Variants in DAB1 observed in about 807,000 individuals in gnomAD.
DAB1 encodes DAB adaptor protein 1, also known as disabled homolog 1.
A neutral mutation model predicts 64.6 loss-of-function variants in DAB1; 15 were observed. That is an observed-to-expected ratio of 0.23 (90% CI 0.16 to 0.36). The LOEUF (loss-of-function observed/expected upper bound fraction) is 0.36. DAB1 is among the 10% of genes least tolerant of loss of function. The pLI, the probability that DAB1 is intolerant of heterozygous loss-of-function variation, is 1.00. For missense variants in DAB1, 596 were observed against 706.7 expected (o/e 0.84, Z 1.78); for synonymous variants, 235 against 251.9 (o/e 0.93, Z 0.64).
chr1:57,171,818 T>C (rs1248737302), intron 2 of DAB1, among the ~76,000 whole-genome samples: 1 of 152,198 alleles, frequency 6.6e-6, no homozygotes, highest in African/African-American at 2.4e-5. Flanking sequence ...AGGAGTTATG[T>C]GGTGGGAGAA....
At chr1:57,587,959 C>T (rs1645400092) in intron 7 of DAB1, among the ~76,000 whole-genome samples, 1 of 152,180 alleles carries the variant, frequency 6.6e-6, no homozygotes, top group South Asian at 2.1e-4. Flanking sequence ...AGGACAATAG[C>T]CATTTCCTTA....
intron 7 of DAB1, among the ~76,000 whole-genome samples, chr1:57,580,786 T>C (rs1645303990): frequency 6.6e-6 from 1 of 152,168 alleles, no homozygotes. Flanking sequence ...CTCATCCTCA[T>C]AATAATCTTA....
intron 5 of DAB1, among the ~76,000 whole-genome samples, chr1:57,912,880 T>G (rs955240676): frequency 4.6e-5 from 7 of 152,114 alleles, no homozygotes; most frequent in African/African-American, 1.7e-4. Context: ...GGAATCCAAC[T>G]TACAAGGGAT....
chr1:58,327,647 C>T (rs1557732362), intron 4 of DAB1, among the ~76,000 whole-genome samples: 1 of 152,120 alleles, frequency 6.6e-6, no homozygotes, highest in Non-Finnish European at 1.5e-5. Flanking sequence ...AGAGGCTTCT[C>T]AGGGAAGTGA....
chr1:58,326,088 A>G (rs1662816791), intron 4 of DAB1, among the ~76,000 whole-genome samples: 1 of 152,174 alleles, frequency 6.6e-6, no homozygotes, highest in Non-Finnish European at 1.5e-5. Context: ...CAGCTTCGTA[A>G]TTACGTGCTT....
intron 1 of DAB1, among the ~76,000 whole-genome samples, chr1:57,841,492 C>T (rs528187991): frequency 2.0e-5 from 3 of 152,314 alleles, no homozygotes; most frequent in Non-Finnish European, 4.4e-5. Context: ...ATGAGGGCTC[C>T]ACCCCTGCAG....
At chr1:57,768,544 A>T (rs1649421448) in intron 6 of DAB1, among the ~76,000 whole-genome samples, 1 of 150,228 alleles carries the variant, frequency 6.7e-6, no homozygotes, top group Non-Finnish European at 1.5e-5. Flanking sequence ...GTATACATGT[A>T]TATGTATAAA....
At chr1:58,541,525 A>C (rs1646615161) in intron 1 of DAB1, 1 of 145,364 alleles carries the variant, frequency 6.9e-6, no homozygotes, top group East Asian at 2.2e-4. Flanking sequence ...CTGAGGCAGG[A>C]GAATCACTTG....
At chr1:57,144,734 G>T (rs1039104339) in intron 3 of DAB1, among the ~76,000 whole-genome samples, 7 of 150,706 alleles carry the variant, frequency 4.6e-5, no homozygotes, top group Non-Finnish European at 1.5e-5. Context: ...TTCTTTCTTA[G>T]ATTCCTCAGA....
chr1:58,067,185 C>T (rs1648906413), intron 5 of DAB1, among the ~76,000 whole-genome samples: 1 of 152,220 alleles, frequency 6.6e-6, no homozygotes, highest in South Asian at 2.1e-4. Flanking sequence ...ACTAAAATCA[C>T]AAATTAAATC....
intron 6 of DAB1, among the ~76,000 whole-genome samples, chr1:57,788,115 A>G (rs1650424193): frequency 6.6e-6 from 1 of 152,196 alleles, no homozygotes; most frequent in African/African-American, 2.4e-5. Context: ...GTTTCTTATC[A>G]AACTAAATAT....
At chr1:58,105,767 C>T (rs1651595753) in intron 5 of DAB1, among the ~76,000 whole-genome samples, 3 of 152,202 alleles carry the variant, frequency 2.0e-5, no homozygotes, top group Admixed American at 2.0e-4. Context: ...CTTCAAGAAA[C>T]TATCCATGCA....
At chr1:58,014,265 T>C (rs1646709080) in intron 5 of DAB1, among the ~76,000 whole-genome samples, 1 of 152,212 alleles carries the variant, frequency 6.6e-6, no homozygotes, top group Non-Finnish European at 1.5e-5. Flanking sequence ...GTTTCAAAAT[T>C]GGATTCTTGA....
At chr1:58,225,400 G>C in intron 4 of DAB1, among the ~76,000 whole-genome samples, 1 of 151,988 alleles carries the variant, frequency 6.6e-6, no homozygotes, top group East Asian at 1.9e-4. Context: ...GGAAGTCAGT[G>C]TGGCGATTCC....
At chr1:58,500,198 A>G (rs2100402897) in intron 3 of DAB1, among the ~76,000 whole-genome samples, 1 of 152,164 alleles carries the variant, frequency 6.6e-6, no homozygotes, top group African/African-American at 2.4e-5. Flanking sequence ...TATTTTTTTT[A>G]AGGGTTTAGA....
Position 57,663,196 on chromosome 1 carries a change from A to G in DAB1, n.552-13531T>C, listed in dbSNP as rs183208095. Among the ~76,000 whole-genome samples, 700 of 152,254 alleles carry G rather than the reference A, an allele frequency of 4.6e-3. 4 individuals are homozygous for G. Among genetic ancestry groups the G allele is most frequent in the Non-Finnish European group, 6.4e-3 (432 of 68,026 alleles). On this transcript the variant is annotated intron_variant and non_coding_transcript_variant, in intron 6 of 20. Coordinates refer to the DAB1 transcript ENST00000485760. ...GGCCAGAGAAGAAGGAAGAGAGAGA[A>G]GGGGGAGGTGCCACACACTTTCAAA...
chr1:57,260,573 T>C (rs1670104634), intron 2 of DAB1, among the ~76,000 whole-genome samples: 1 of 152,094 alleles, frequency 6.6e-6, no homozygotes. Context: ...TAAGAGTCAA[T>C]GACATGACAC....
chr1:57,608,760 C>A (rs551775912), intron 7 of DAB1, among the ~76,000 whole-genome samples: 13 of 152,184 alleles, frequency 8.5e-5, no homozygotes, highest in Middle Eastern at 3.4e-3. Flanking sequence ...AGCTACAAAT[C>A]CAAGTTTCTA....
intron 7 of DAB1, among the ~76,000 whole-genome samples, chr1:57,631,942 A>G (rs1382007140): frequency 6.6e-6 from 1 of 152,206 alleles, no homozygotes; most frequent in East Asian, 1.9e-4. Context: ...GTAATTGGGT[A>G]TTAGCATCAG....
Sources: allele counts gnomAD v4.1 joint callset (sites outside exome capture counted in the v4.1 genomes callset), GRCh38; gene constraint gnomAD v4.1.1; transcripts MANE v1.5; gene names NCBI Gene and HGNC (gene_info 2026-07-23, HGNC 2026-07-21).